PDE4D: variants seen among roughly 807,000 people sequenced by gnomAD.
PDE4D encodes phosphodiesterase 4D, also known as 3',5'-cyclic-AMP phosphodiesterase 4D.
In PDE4D, 24 loss-of-function variants were observed where a neutral mutation model predicts 87.4. The observed-to-expected ratio is 0.27, with a 90% CI of 0.20 to 0.39. The LOEUF (loss-of-function observed/expected upper bound fraction) is 0.39. Among genes scored for constraint, PDE4D ranks in the 10% least tolerant of loss-of-function variants. The pLI is 1.00. For missense variants in PDE4D, 714 were observed against 1,041.0 expected, an observed-to-expected ratio of 0.69 and a Z score of 4.32; for synonymous variants, 384 against 383.2, an observed-to-expected ratio of 1.00 and a Z score of -0.02.
At chr5:60,044,218 T>G (rs1362462386) in intron 2 of PDE4D, among the ~76,000 whole-genome samples, 1 of 152,080 alleles carries the variant, frequency 6.6e-6, no homozygotes, top group Non-Finnish European at 1.5e-5. Context: ...ATTGCCCCAA[T>G]AAGATTATTA....
At chr5:60,026,032 G>A (rs542947559) in intron 2 of PDE4D, among the ~76,000 whole-genome samples, 1 of 152,262 alleles carries the variant, frequency 6.6e-6, no homozygotes, top group Non-Finnish European at 1.5e-5. Flanking sequence ...AGGTAATGTG[G>A]TGATGGTTTT....
At chr5:60,284,173 A>G (rs1285298612) in intron 1 of PDE4D, among the ~76,000 whole-genome samples, 1 of 152,234 alleles carries the variant, frequency 6.6e-6, no homozygotes, top group Non-Finnish European at 1.5e-5. Flanking sequence ...CCTATTTAGC[A>G]CTCACCTTGT....
intron 2 of PDE4D, among the ~76,000 whole-genome samples, chr5:60,035,026 C>T (rs889243360): frequency 1.1e-4 from 17 of 152,158 alleles, no homozygotes; most frequent in African/African-American, 3.4e-4. Context: ...GAGGCTGAGG[C>T]GGGAGGATCA....
intron 1 of PDE4D, among the ~76,000 whole-genome samples, chr5:59,631,643 G>T (rs550454247): frequency 6.6e-6 from 1 of 152,182 alleles, no homozygotes; most frequent in South Asian, 2.1e-4. Flanking sequence ...AAGCACAAGG[G>T]GCTCGGGAAC....
intron 1 of PDE4D, among the ~76,000 whole-genome samples, chr5:60,325,692 C>T (rs1476714650): frequency 6.6e-6 from 1 of 151,958 alleles, no homozygotes; most frequent in South Asian, 2.1e-4. Context: ...CCCAGTTTTC[C>T]CCCATGGTAA....
intron 1 of PDE4D, among the ~76,000 whole-genome samples, chr5:59,259,840 T>C (rs1761661704): frequency 6.6e-6 from 1 of 151,814 alleles, no homozygotes; most frequent in Admixed American, 6.6e-5. Flanking sequence ...TTTCTATTAC[T>C]CCTATTAGTC....
intron 1 of PDE4D, among the ~76,000 whole-genome samples, chr5:60,292,832 C>G (rs1375346633): frequency 6.6e-6 from 1 of 152,154 alleles, no homozygotes; most frequent in Non-Finnish European, 1.5e-5. Context: ...ACTTCAATTA[C>G]TCTCAATTCT....
At chr5:59,875,197 C>T (rs895312896) in intron 1 of PDE4D, among the ~76,000 whole-genome samples, 1 of 152,092 alleles carries the variant, frequency 6.6e-6, no homozygotes, top group Non-Finnish European at 1.5e-5. Flanking sequence ...CATGGTGGCT[C>T]ATGCCTGTAA....
At chr5:60,383,661 A>G (rs911143893) in intron 1 of PDE4D, among the ~76,000 whole-genome samples, 1 of 152,176 alleles carries the variant, frequency 6.6e-6, no homozygotes, top group African/African-American at 2.4e-5. Context: ...GCAGAACCCT[A>G]ATCTGTTTTA....
At position 58,969,968 on chromosome 5, in the gene PDE4D, ACTATC is replaced by A. The variant is rs1435967735; in HGVS notation, c.*4691_*4695del. 6.6e-6 allele frequency: 1 copy of A among 152,166 alleles called. No homozygotes were observed. Among genetic ancestry groups the A allele is most frequent in the Non-Finnish European group, 1.5e-5 (1 of 68,018 alleles). 9.4% of individuals were successfully genotyped at this position (152,166 alleles called of 1,614,324 possible). A position where few individuals can be genotyped will look rare whatever the true frequency, so the allele number is the denominator to read the frequency against. On this transcript the variant is annotated 3_prime_UTR_variant, in exon 15 of 15. Transcript: ENST00000340635. ...AATATCAGTACTAACTTATGATGTCACTATCCTTTCATTTCAACCACGTTCAGTAT... is the reference window on the plus strand; with the variant it reads ...AATATCAGTACTAACTTATGATGTCACTTTCATTTCAACCACGTTCAGTAT...
chr5:60,480,814 A>C (rs1453574344), intron 1 of PDE4D, among the ~76,000 whole-genome samples: 1 of 152,192 alleles, frequency 6.6e-6, no homozygotes, highest in African/African-American at 2.4e-5. Flanking sequence ...CAGTGTTTTC[A>C]GTGCCTCAGG....
intron 1 of PDE4D, among the ~76,000 whole-genome samples, chr5:59,306,253 C>T (rs1771335406): frequency 6.6e-6 from 1 of 152,162 alleles, no homozygotes; most frequent in Non-Finnish European, 1.5e-5. Context: ...GTCTTTTCCA[C>T]CCCTTTACTT....
chr5:60,122,427 G>A (rs13164986), intron 2 of PDE4D, among the ~76,000 whole-genome samples: 8,586 of 152,284 alleles, frequency 0.056, 281 homozygotes, highest in Middle Eastern at 0.085. Flanking sequence ...AAATATAGGC[G>A]GAGGTTCCCG....
At chr5:59,064,192 A>G (rs1763550836) in intron 5 of PDE4D, among the ~76,000 whole-genome samples, 1 of 152,124 alleles carries the variant, frequency 6.6e-6, no homozygotes, top group African/African-American at 2.4e-5. Context: ...CAAAGTCTGG[A>G]AAAAGACACA....
In PDE4D at chr5:59,131,597, A is replaced by AACACACACACAC. The variant is rs34161581; in HGVS notation, c.808+48986_808+48997dup. Among the ~76,000 whole-genome samples, 412 of 118,136 alleles carry AACACACACACAC rather than the reference A, an allele frequency of 3.5e-3. 2 individuals carry two copies. Among genetic ancestry groups the AACACACACACAC allele is most frequent in the East Asian group, 0.011 (46 of 4,298 alleles). The allele number at this position is 118,136 out of a possible 152,430, so 77.5% of individuals were successfully genotyped here. On this transcript the variant is annotated intron_variant, in intron 5 of 14. Coordinates refer to ENST00000340635, the MANE Select transcript of PDE4D (RefSeq NM_001104631.2). ...TAAAGAAATAATAAGGCCAATTTAA[A>AACACACACACAC]ACACACACACACACACACACACACA... is the stretch of plus-strand genomic sequence containing the variant.
intron 1 of PDE4D, among the ~76,000 whole-genome samples, chr5:59,323,996 T>G (rs773384806): frequency 6.6e-6 from 1 of 152,090 alleles, no homozygotes; most frequent in South Asian, 2.1e-4. Flanking sequence ...TCCCCAAACC[T>G]ACCACATTTT....
At chr5:59,948,537 A>G (rs1044693229) in intron 3 of PDE4D, among the ~76,000 whole-genome samples, 3 of 152,192 alleles carry the variant, frequency 2.0e-5, no homozygotes, top group African/African-American at 4.8e-5. Flanking sequence ...ACTACTGAAG[A>G]CAGAATGAGA....
At chr5:59,982,482 C>T (rs1325427254) in intron 3 of PDE4D, among the ~76,000 whole-genome samples, 1 of 152,174 alleles carries the variant, frequency 6.6e-6, no homozygotes, top group Non-Finnish European at 1.5e-5. Context: ...CTTAGATTGT[C>T]TAGGGGCACA....
intron 1 of PDE4D, chr5:60,460,442 C>A (rs1746835286): frequency 1.4e-6 from 2 of 1,469,820 alleles, no homozygotes; most frequent in Admixed American, 1.7e-5. Context: ...GGATGCTTGA[C>A]AAATGTTGTT....
Sources: allele counts gnomAD v4.1 joint callset (sites outside exome capture counted in the v4.1 genomes callset), GRCh38; gene constraint gnomAD v4.1.1; transcripts MANE v1.5; gene names NCBI Gene and HGNC (gene_info 2026-07-23, HGNC 2026-07-21).